TSPAN5: variants seen among roughly 807,000 people sequenced by gnomAD.
TSPAN5 encodes the protein tetraspanin 5.
Under a neutral mutation model 37.1 loss-of-function variants are expected in TSPAN5, and 10 were observed. The observed-to-expected ratio is 0.27, with a 90% confidence interval of 0.17 to 0.46. The LOEUF (loss-of-function observed/expected upper bound fraction) is 0.46, where lower values mean the gene tolerates loss of function less well. Ranked by LOEUF, TSPAN5 falls within the 20% of genes least tolerant of loss-of-function variation. The pLI, the probability that TSPAN5 is intolerant of heterozygous loss-of-function variation, is 1.00. For missense variants in TSPAN5, 195 were observed against 326.6 expected (o/e 0.60, Z 3.11); for synonymous variants, 110 against 118.9 (o/e 0.93, Z 0.48).
intron 1 of TSPAN5, among the ~76,000 whole-genome samples, chr4:98,569,644 G>A (rs990246434): frequency 2.6e-5 from 4 of 152,160 alleles, no homozygotes; most frequent in African/African-American, 9.7e-5. Context: ...GAGACACTAA[G>A]GAAGTAAAAG....
chr4:98,471,346 C>T lies in TSPAN5; in HGVS notation c.*1176G>A, dbSNP rs1752578029. 1 of 152,030 alleles carries T rather than the reference C, an allele frequency of 6.6e-6. No homozygotes were observed. Among genetic ancestry groups the T allele is most frequent in the Admixed American group, 6.6e-5 (1 of 15,264 alleles). The allele number at this position is 152,030 out of a possible 1,614,324, so 9.4% of individuals were successfully genotyped here. A position where few individuals can be genotyped will look rare whatever the true frequency, so the allele number is the denominator to read the frequency against. On this transcript the variant is annotated 3_prime_UTR_variant, in exon 8 of 8. Transcript: ENST00000305798. ...AAGAAGGGGAGGGTGCAGAAAAGGCCACTCAGATCGACTCTGGAAGAGATC... is the reference window on the plus strand; with the variant it reads ...AAGAAGGGGAGGGTGCAGAAAAGGCTACTCAGATCGACTCTGGAAGAGATC...
intron 1 of TSPAN5, among the ~76,000 whole-genome samples, chr4:98,548,596 T>C (rs981905479): frequency 3.3e-5 from 5 of 152,044 alleles, no homozygotes; most frequent in Admixed American, 2.0e-4. Context: ...AGTGGTAAAG[T>C]CTGGGCTTTT....
At chr4:98,560,806 G>A (rs1754864408) in intron 1 of TSPAN5, among the ~76,000 whole-genome samples, 1 of 152,206 alleles carries the variant, frequency 6.6e-6, no homozygotes, top group African/African-American at 2.4e-5. Context: ...AGGAAGATGG[G>A]GAGCTTTTCC....
At chr4:98,642,761 T>G (rs1756985245) in intron 1 of TSPAN5, among the ~76,000 whole-genome samples, 1 of 152,130 alleles carries the variant, frequency 6.6e-6, no homozygotes, top group Non-Finnish European at 1.5e-5. Flanking sequence ...TAGGCTAATG[T>G]GTGTGTTTTT....
At chr4:98,498,195 T>C (rs920761203) in intron 2 of TSPAN5, among the ~76,000 whole-genome samples, 3 of 152,050 alleles carry the variant, frequency 2.0e-5, no homozygotes, top group African/African-American at 7.2e-5. Flanking sequence ...CAGGCACTCT[T>C]ACCCATGTGA....
intron 7 of TSPAN5, among the ~76,000 whole-genome samples, chr4:98,474,631 A>G (rs1220002177): frequency 1.3e-5 from 2 of 151,674 alleles, no homozygotes; most frequent in Admixed American, 6.6e-5. Context: ...TACAGGCATG[A>G]GCCACTGCAC....
At chr4:98,634,472 G>A (rs549768423) in intron 1 of TSPAN5, among the ~76,000 whole-genome samples, 1 of 152,226 alleles carries the variant, frequency 6.6e-6, no homozygotes, top group South Asian at 2.1e-4. Context: ...GCACAAAAAT[G>A]TACTTTTTCC....
At chr4:98,609,720 C>A (rs1191454523) in intron 1 of TSPAN5, among the ~76,000 whole-genome samples, 1 of 152,072 alleles carries the variant, frequency 6.6e-6, no homozygotes, top group Non-Finnish European at 1.5e-5. Flanking sequence ...GGGTAATGTC[C>A]CAAACTCCTC....
At chr4:98,479,381 T>C (rs554714570) in intron 4 of TSPAN5, among the ~76,000 whole-genome samples, 1 of 152,178 alleles carries the variant, frequency 6.6e-6, no homozygotes, top group Non-Finnish European at 1.5e-5. Flanking sequence ...GCATGCAGGA[T>C]TGTGTAAAGA....
intron 2 of TSPAN5, among the ~76,000 whole-genome samples, chr4:98,502,113 G>A (rs1753366675): frequency 6.6e-6 from 1 of 152,216 alleles, no homozygotes; most frequent in Non-Finnish European, 1.5e-5. Context: ...GTAGAAGAGT[G>A]GAGTTGTTTC....
chr4:98,535,756 T>G (rs1372447353), intron 1 of TSPAN5, among the ~76,000 whole-genome samples: 1 of 152,190 alleles, frequency 6.6e-6, no homozygotes, highest in African/African-American at 2.4e-5. Flanking sequence ...TCTCTAATCT[T>G]GTCTTCTTTC....
chr4:98,476,487 G>A, intron 5 of TSPAN5, 27 bp from the exon 6 acceptor site: 1 of 1,613,126 alleles, frequency 6.2e-7, no homozygotes, highest in South Asian at 1.1e-5. Flanking sequence ...AGAGAAAAGT[G>A]AAATTTACTC....
chr4:98,527,606 A>G (rs1229269014), intron 1 of TSPAN5, among the ~76,000 whole-genome samples: 2 of 152,254 alleles, frequency 1.3e-5, no homozygotes, highest in Non-Finnish European at 2.9e-5. Flanking sequence ...CTAAAGCAGA[A>G]ATGCTAACAT....
chr4:98,497,410 G>A (rs189920352), intron 2 of TSPAN5, among the ~76,000 whole-genome samples: 42 of 151,870 alleles, frequency 2.8e-4, no homozygotes, highest in Admixed American at 5.9e-4. Context: ...GCTGCAAACC[G>A]AGGGCCCTCG....
At chr4:98,483,316 T>A (rs562245453) in intron 3 of TSPAN5, 1 of 152,268 alleles carries the variant, frequency 6.6e-6, no homozygotes, top group African/African-American at 2.4e-5. Context: ...GACAAGGAGC[T>A]GCCAGCCAAG....
intron 2 of TSPAN5, among the ~76,000 whole-genome samples, chr4:98,497,872 G>A (rs566110439): frequency 1.3e-5 from 2 of 152,290 alleles, no homozygotes; most frequent in South Asian, 4.1e-4. Context: ...CAGACAAAGC[G>A]ACAGGATCTG....
chr4:98,545,599 G>A (rs796743498), intron 1 of TSPAN5, among the ~76,000 whole-genome samples: 24 of 151,786 alleles, frequency 1.6e-4, no homozygotes, highest in African/African-American at 5.1e-4. Context: ...GTGTGATATC[G>A]GCTCATTACA....
At chr4:98,646,638 G>A (rs1579053672) in intron 1 of TSPAN5, among the ~76,000 whole-genome samples, 2 of 152,300 alleles carry the variant, frequency 1.3e-5, no homozygotes, top group Middle Eastern at 3.4e-3. Context: ...TGGTATCCAC[G>A]ATAAGAACTG....
In TSPAN5 at chr4:98,471,512, T is replaced by G. The variant is rs1178769692; in HGVS notation, c.*1010A>C. The G allele has an allele frequency of 6.6e-6, 1 of 152,168 alleles. No homozygotes were observed. The highest frequency in any genetic ancestry group is 1.9e-4 in the East Asian group (1 of 5,186). 9.4% of individuals were successfully genotyped at this position (152,168 alleles called of 1,614,324 possible). ...CATATTTCAATGTTTGTAGAAAAGC[T>G]GGCAGGAAAGGGAGATGATGGATTC... On this transcript the variant is annotated 3_prime_UTR_variant, in exon 8 of 8. Transcript: ENST00000305798.
Sources: allele counts gnomAD v4.1 joint callset (sites outside exome capture counted in the v4.1 genomes callset), GRCh38; gene constraint gnomAD v4.1.1; transcripts MANE v1.5; gene names NCBI Gene and HGNC (gene_info 2026-07-23, HGNC 2026-07-21).